The following ARHGAP44 variants were observed in gnomAD, a reference collection of about 807,000 sequenced individuals.
ARHGAP44 encodes Rho GTPase activating protein 44.
In ARHGAP44, 43 loss-of-function variants were observed where a neutral mutation model predicts 106.8. That is an observed-to-expected ratio of 0.40 (90% CI 0.32 to 0.52). ARHGAP44 has a LOEUF of 0.52. Among genes scored for constraint, ARHGAP44 ranks in the 20% least tolerant of loss-of-function variants. The pLI, the probability that ARHGAP44 is intolerant of heterozygous loss-of-function variation, is 0.48. For synonymous variants in ARHGAP44, 439 were observed against 410.3 expected, an observed-to-expected ratio of 1.07 and a Z score of -0.85; for missense variants, 866 against 1,050.5, an observed-to-expected ratio of 0.82 and a Z score of 2.43.
At chr17:12,820,525 G>A (rs2034735953) in intron 1 of ARHGAP44, among the ~76,000 whole-genome samples, 1 of 152,114 alleles carries the variant, frequency 6.6e-6, no homozygotes, top group Non-Finnish European at 1.5e-5. Flanking sequence ...CTGTTGTGGT[G>A]TCTGTACTGT....
chr17:12,959,837 G>A (rs980574268), intron 16 of ARHGAP44, among the ~76,000 whole-genome samples: 3 of 152,230 alleles, frequency 2.0e-5, no homozygotes, highest in Non-Finnish European at 4.4e-5. Context: ...CGGAAATGCA[G>A]ACAACAGGAA....
intron 1 of ARHGAP44, among the ~76,000 whole-genome samples, chr17:12,818,287 A>G (rs141533273): frequency 3.0e-3 from 455 of 151,148 alleles, no homozygotes; most frequent in African/African-American, 0.011. Flanking sequence ...ACATTTTACC[A>G]AACTAGAATT....
chr17:12,833,252 G>C (rs376265861), intron 1 of ARHGAP44, among the ~76,000 whole-genome samples: 1 of 152,176 alleles, frequency 6.6e-6, no homozygotes, highest in Non-Finnish European at 1.5e-5. Context: ...TCCTGTGTCT[G>C]TGTAAGGCTT....
At chr17:12,915,783 G>T (rs2037892375) in intron 4 of ARHGAP44, 117 bp from the exon 5 acceptor site, 1 of 816,750 alleles carries the variant, frequency 1.2e-6, no homozygotes, top group East Asian at 2.7e-5. Flanking sequence ...AGATCAGCCA[G>T]CTTATTAACA....
Position 12,974,236 on chromosome 17 carries a change from G to A in ARHGAP44, c.1689G>A (p.Gln563=). 1 of 1,540,844 alleles carries A rather than the reference G, an allele frequency of 6.5e-7. No homozygotes were observed. Among genetic ancestry groups the A allele is most frequent in the Non-Finnish European group, 8.7e-7 (1 of 1,143,240 alleles). ...AAPLPSPLPE[Q]PLDSPAAPAL... ...CCCTGCCTTCGCCGCTGCCGGAGCA[G>A]CCCCTGGACAGCCCCGCGGCCCCCG... is the stretch of plus-strand genomic sequence containing the variant. Residue 563 remains glutamine (Q), a synonymous_variant, in exon 18 of 21, where the codon CAG becomes CAA. Coordinates refer to ENST00000379672, the MANE Select transcript of ARHGAP44 (RefSeq NM_014859.6).
chr17:12,831,909 T>C (rs2035100208), intron 1 of ARHGAP44, among the ~76,000 whole-genome samples: 1 of 152,188 alleles, frequency 6.6e-6, no homozygotes. Context: ...TGTTAGAAAC[T>C]GTTAATGTTT....
rs894784750 is a variant in ARHGAP44 at position 12,984,459 on chromosome 17, G to A, written c.1940-72G>A. 3.4e-6 allele frequency: 5 copies of A among 1,482,594 alleles called. No homozygotes were observed. In the South Asian group the frequency reaches 4.1e-5, roughly 12 times the overall value. The allele number at this position is 1,482,594 out of a possible 1,614,324, so 91.8% of individuals were successfully genotyped here. Reference sequence around the variant, plus strand: ...GACAGCTTTGAACGCTGAAGGGTGTGTGAACAGGCCCCACAAGTGGCTTCA... The same window carrying A: ...GACAGCTTTGAACGCTGAAGGGTGTATGAACAGGCCCCACAAGTGGCTTCA... On this transcript the variant is annotated intron_variant, in intron 19 of 20. Transcript: ENST00000379672.
chr17:12,833,927 C>T (rs566274816), intron 1 of ARHGAP44, among the ~76,000 whole-genome samples: 27 of 150,184 alleles, frequency 1.8e-4, no homozygotes, highest in African/African-American at 5.9e-4. Context: ...TCCAGGGTAG[C>T]AGGCTTCAGA....
chr17:12,913,577 A>G (rs533272210), intron 4 of ARHGAP44, among the ~76,000 whole-genome samples: 44 of 152,336 alleles, frequency 2.9e-4, no homozygotes, highest in African/African-American at 1.0e-3. Context: ...TTTTTAATTA[A>G]GTAGTATTAG....
At chr17:12,820,332 T>C (rs186254851) in intron 1 of ARHGAP44, among the ~76,000 whole-genome samples, 12 of 152,250 alleles carry the variant, frequency 7.9e-5, no homozygotes, top group African/African-American at 1.9e-4. Context: ...TTTTAAATGT[T>C]TTAAATATTA....
Position 12,894,963 on chromosome 17 carries a change from G to A in ARHGAP44, c.77G>A (p.Ser26Asn), listed in dbSNP as rs927321709. The A allele has an allele frequency of 8.2e-6, 13 of 1,589,986 alleles. No individual in the cohort carries two copies. Among genetic ancestry groups the A allele is most frequent in the Non-Finnish European group, 9.4e-6 (11 of 1,167,522 alleles). The change falls in exon 2 of 21, where the codon AGT (serine) becomes AAT (asparagine). Residue 26 changes from serine (S) to asparagine (N), a missense_variant. Ser to Asn is a conservative substitution (Grantham distance 46). Coordinates refer to ENST00000379672, the MANE Select transcript of ARHGAP44 (RefSeq NM_014859.6). ...VGRAEKTEVLSEDLLQVEKRL... is the reference protein window; with the variant it reads ...VGRAEKTEVLNEDLLQVEKRL... ...AGGGCTGAAAAGACAGAAGTTTTGA[G>A]TGAAGACCTTCTTCAGGTAAGGCGG...
chr17:12,818,088 T>TA (rs2034650401), intron 1 of ARHGAP44, among the ~76,000 whole-genome samples: 1 of 151,948 alleles, frequency 6.6e-6, no homozygotes, highest in Admixed American at 6.6e-5. Context: ...AACACAGATG[T>TA]AAAAAATCTT....
intron 16 of ARHGAP44, among the ~76,000 whole-genome samples, chr17:12,959,378 C>A (rs1387652176): frequency 1.3e-5 from 2 of 152,114 alleles, no homozygotes; most frequent in Non-Finnish European, 2.9e-5. Flanking sequence ...GCGTAAAATC[C>A]TTCTAGGTTT....
rs1567621426 is a variant in ARHGAP44, at chr17:12,802,962, TA to T, written c.53+13072del. ...ATATATATATATATATATATATATA[TA>T]TATATATTTTTTTTTTTTTTTTTTT... is the stretch of plus-strand genomic sequence containing the variant. On this transcript the variant is annotated intron_variant, in intron 1 of 20. Transcript: ENST00000379672. 7.9e-4 allele frequency among the ~76,000 whole-genome samples: 16 copies of T among 20,158 alleles called. No individual in the cohort carries two copies. In the East Asian group the frequency reaches 9.3e-3, roughly 12 times the overall value. 13.2% of individuals were successfully genotyped at this position (20,158 alleles called of 152,430 possible).
intron 1 of ARHGAP44, among the ~76,000 whole-genome samples, chr17:12,830,112 G>C (rs947790623): frequency 1.3e-5 from 2 of 152,144 alleles, no homozygotes; most frequent in Non-Finnish European, 2.9e-5. Context: ...CTGGGGTTTT[G>C]GGATTGCAAG....
intron 16 of ARHGAP44, among the ~76,000 whole-genome samples, chr17:12,968,036 T>C (rs1002546939): frequency 1.1e-4 from 17 of 152,220 alleles, no homozygotes; most frequent in South Asian, 4.1e-4. Flanking sequence ...ATTCTGAGCA[T>C]TGAACGAAAT....
intron 1 of ARHGAP44, among the ~76,000 whole-genome samples, chr17:12,891,761 T>A (rs1739804004): frequency 6.6e-6 from 1 of 151,592 alleles, no homozygotes; most frequent in African/African-American, 2.4e-5. Flanking sequence ...TCCTCCATCC[T>A]TGGTATTTCA....
intron 1 of ARHGAP44, among the ~76,000 whole-genome samples, chr17:12,814,964 C>T (rs2034554927): frequency 2.0e-5 from 3 of 152,072 alleles, no homozygotes; most frequent in South Asian, 2.1e-4. Context: ...GGAAACTGTT[C>T]AGTTTTCTTC....
intron 10 of ARHGAP44, among the ~76,000 whole-genome samples, chr17:12,945,619 G>T (rs2038830278): frequency 1.3e-5 from 2 of 152,144 alleles, no homozygotes; most frequent in South Asian, 4.1e-4. Context: ...CAAAGTAAGG[G>T]CTATGGATGA....
Sources: allele counts gnomAD v4.1 joint callset (sites outside exome capture counted in the v4.1 genomes callset), GRCh38; gene constraint gnomAD v4.1.1; transcripts MANE v1.5; gene names NCBI Gene and HGNC (gene_info 2026-07-23, HGNC 2026-07-21).